Variants in XYLT1 observed in about 807,000 individuals in gnomAD.
The protein encoded by XYLT1 is xylosyltransferase 1.
A neutral mutation model predicts 91.3 loss-of-function variants in XYLT1; 36 were observed. That is an observed-to-expected ratio of 0.39 (90% CI 0.30 to 0.52). The LOEUF (loss-of-function observed/expected upper bound fraction) is 0.52. XYLT1 is among the 20% of genes least tolerant of loss of function. XYLT1 has a pLI of 0.68. For synonymous variants in XYLT1, 588 were observed against 532.0 expected (o/e 1.11, Z -1.45); for missense variants, 1,242 against 1,284.5 (o/e 0.97, Z 0.51).
chr16:17,404,824 GCATGCAAA>G (rs1248871656), intron 1 of XYLT1, among the ~76,000 whole-genome samples: 1 of 152,196 alleles, frequency 6.6e-6, no homozygotes, highest in Non-Finnish European at 1.5e-5. Context: ...TTCACAAAAG[GCATGCAAA>G]CATAGCATAG....
chr16:17,423,827 GA>G lies in XYLT1; in HGVS notation c.363+46606del, dbSNP rs1426061319. 2.0e-5 allele frequency among the ~76,000 whole-genome samples: 3 copies of G among 152,206 alleles called. No individual in the cohort carries two copies. In the East Asian group the frequency reaches 5.8e-4, roughly 29 times the overall value. ...GACGGGGTTTTACCATGTTGGCCAG[GA>G]TGGTCTCGATCCCTTGACCTGGTGA... On this transcript the variant is annotated intron_variant, in intron 1 of 11. Coordinates refer to ENST00000261381, the MANE Select transcript of XYLT1 (RefSeq NM_022166.4).
intron 1 of XYLT1, among the ~76,000 whole-genome samples, chr16:17,361,296 T>A (rs2035377856): frequency 6.6e-6 from 1 of 152,208 alleles, no homozygotes; most frequent in Non-Finnish European, 1.5e-5. Flanking sequence ...GTACACAATC[T>A]ACAGCGTGCA....
intron 3 of XYLT1, among the ~76,000 whole-genome samples, chr16:17,208,226 T>TACTC (rs1307867757): frequency 1.1e-4 from 5 of 45,736 alleles, no homozygotes; most frequent in Non-Finnish European, 2.1e-4. Flanking sequence ...GCTCAAGCAA[T>TACTC]CCTCCCTTAG....
At chr16:17,393,800 G>A (rs758511370) in intron 1 of XYLT1, among the ~76,000 whole-genome samples, 13 of 151,766 alleles carry the variant, frequency 8.6e-5, no homozygotes, top group Non-Finnish European at 1.6e-4. Context: ...TTTTGAGATG[G>A]AGCCTTGCTC....
chr16:17,422,631 C>A (rs557357100), intron 1 of XYLT1, among the ~76,000 whole-genome samples: 1 of 152,202 alleles, frequency 6.6e-6, no homozygotes, highest in East Asian at 1.9e-4. Context: ...TGTCAGCCTC[C>A]CAAGTAGCTG....
chr16:17,470,397 C>T (rs1264939188), intron 1 of XYLT1, 37 bp downstream of exon 1: 2 of 1,222,204 alleles, frequency 1.6e-6, no homozygotes, highest in Admixed American at 4.3e-5. Context: ...CTTCCTCCCT[C>T]CCTCGCCGCG....
chr16:17,244,954 T>C (rs755444017), intron 3 of XYLT1, among the ~76,000 whole-genome samples: 43 of 152,208 alleles, frequency 2.8e-4, no homozygotes, highest in Non-Finnish European at 5.6e-4. Flanking sequence ...AGCCAGATAC[T>C]ATTAATATAT....
intron 2 of XYLT1, among the ~76,000 whole-genome samples, chr16:17,293,641 C>T (rs2034265085): frequency 1.3e-5 from 2 of 152,034 alleles, no homozygotes; most frequent in Non-Finnish European, 2.9e-5. Flanking sequence ...GCACCCATCA[C>T]CACACCCAGC....
At chr16:17,231,038 T>G (rs976340769) in intron 3 of XYLT1, among the ~76,000 whole-genome samples, 4 of 152,218 alleles carry the variant, frequency 2.6e-5, no homozygotes, top group African/African-American at 9.6e-5. Context: ...TCTTGATCAT[T>G]TATCTCATGA....
chr16:17,139,251 C>T (rs948330089), intron 7 of XYLT1, among the ~76,000 whole-genome samples: 5 of 152,240 alleles, frequency 3.3e-5, no homozygotes, highest in Non-Finnish European at 5.9e-5. Flanking sequence ...CCTGTTCTCT[C>T]TCCCTAAGGG....
rs766908988 is a variant in XYLT1 at position 17,259,507 on chromosome 16, G to C, written c.403-9C>G. The C allele has an allele frequency of 1.2e-6, 2 of 1,600,716 alleles. No individual in the cohort carries two copies. Among genetic ancestry groups the C allele is most frequent in the Non-Finnish European group, 1.7e-6 (2 of 1,175,430 alleles). ...TGAGAAAAGTAGCCATCCTGGAGAA[G>C]AGGGGAGAGAAACAGAAGAGAAACT... On this transcript the variant is annotated splice_polypyrimidine_tract_variant and intron_variant, in intron 2 of 11. Coordinates refer to ENST00000261381, the MANE Select transcript of XYLT1 (RefSeq NM_022166.4).
intron 2 of XYLT1, among the ~76,000 whole-genome samples, chr16:17,277,986 G>A (rs1239991854): frequency 5.9e-5 from 9 of 152,094 alleles, no homozygotes; most frequent in Non-Finnish European, 1.2e-4. Flanking sequence ...CCGGCTGCCT[G>A]GCTGACAGGT....
chr16:17,260,543 G>T (rs2033707490), intron 2 of XYLT1, among the ~76,000 whole-genome samples: 1 of 152,094 alleles, frequency 6.6e-6, no homozygotes, highest in African/African-American at 2.4e-5. Flanking sequence ...GCTGAAATAT[G>T]CCTCTTACCA....
chr16:17,276,720 G>A (rs1019145038), intron 2 of XYLT1, among the ~76,000 whole-genome samples: 2 of 152,084 alleles, frequency 1.3e-5, no homozygotes, highest in Non-Finnish European at 2.9e-5. Flanking sequence ...GGACACGATG[G>A]GCACCGTCCG....
chr16:17,229,004 C>T (rs556073104), intron 3 of XYLT1, among the ~76,000 whole-genome samples: 2 of 152,294 alleles, frequency 1.3e-5, no homozygotes, highest in Non-Finnish European at 2.9e-5. Flanking sequence ...CAGTCTCACT[C>T]TTTTGCCCAG....
chr16:17,203,270 G>A (rs928898057), intron 3 of XYLT1, among the ~76,000 whole-genome samples: 6 of 152,152 alleles, frequency 3.9e-5, no homozygotes, highest in Non-Finnish European at 8.8e-5. Context: ...ACTAACATAG[G>A]TATTCCAGTA....
intron 3 of XYLT1, among the ~76,000 whole-genome samples, chr16:17,204,913 C>A (rs1051303477): frequency 5.4e-5 from 7 of 129,648 alleles, no homozygotes; most frequent in Non-Finnish European, 9.4e-5. Context: ...CTATGTGGGT[C>A]TTTATGAACA....
intron 3 of XYLT1, among the ~76,000 whole-genome samples, chr16:17,232,743 G>A (rs1334525595): frequency 6.6e-6 from 1 of 151,884 alleles, no homozygotes; most frequent in Non-Finnish European, 1.5e-5. Context: ...TGATAGTGGT[G>A]TTGGCAATGG....
intron 2 of XYLT1, among the ~76,000 whole-genome samples, chr16:17,297,417 G>T (rs186292504): frequency 2.9e-4 from 44 of 152,014 alleles, no homozygotes; most frequent in African/African-American, 1.0e-3. Flanking sequence ...GGTGTCTCTA[G>T]GAAAAGTAAA....
Sources: gnomAD v4.1 joint callset for allele counts (sites outside exome capture counted in the v4.1 genomes callset) on GRCh38, gnomAD v4.1.1 for gene constraint, MANE v1.5 for transcripts, NCBI Gene and HGNC (gene_info 2026-07-23, HGNC 2026-07-21) for gene names.